MDGA2: variants seen among roughly 807,000 people sequenced by gnomAD.
MDGA2 encodes MAM domain-containing glycosylphosphatidylinositol anchor protein 2.
Under a neutral mutation model 117.8 loss-of-function variants are expected in MDGA2, and 40 were observed. The observed-to-expected ratio is 0.34, with a 90% CI of 0.26 to 0.44. The LOEUF (loss-of-function observed/expected upper bound fraction) is 0.44, where lower values mean the gene tolerates loss of function less well. Ranked by LOEUF, MDGA2 falls within the 20% of genes least tolerant of loss-of-function variation. MDGA2 has a pLI of 1.00. For synonymous variants in MDGA2, 452 were observed against 439.0 expected, an observed-to-expected ratio of 1.03 and a Z score of -0.37; for missense variants, 1,123 against 1,250.6, an observed-to-expected ratio of 0.90 and a Z score of 1.54.
intron 8 of MDGA2, among the ~76,000 whole-genome samples, chr14:46,986,732 A>T (rs1298754071): frequency 1.3e-5 from 2 of 152,132 alleles, no homozygotes; most frequent in Admixed American, 6.6e-5. Flanking sequence ...GTCCCAAAGC[A>T]TCAAGAGTAA....
At chr14:47,288,519 T>C (rs1888767402) in intron 2 of MDGA2, among the ~76,000 whole-genome samples, 1 of 152,164 alleles carries the variant, frequency 6.6e-6, no homozygotes, top group Non-Finnish European at 1.5e-5. Flanking sequence ...AAGGATCATG[T>C]TCTGCTCAAG....
At chr14:47,160,068 A>C (rs1306738607) in intron 3 of MDGA2, among the ~76,000 whole-genome samples, 1 of 151,878 alleles carries the variant, frequency 6.6e-6, no homozygotes, top group African/African-American at 2.4e-5. Flanking sequence ...GTCTAATTTT[A>C]TTTTCTTTTG....
chr14:47,018,191 GT>G (rs1262971986), intron 8 of MDGA2, among the ~76,000 whole-genome samples: 3 of 151,012 alleles, frequency 2.0e-5, no homozygotes, highest in Non-Finnish European at 4.4e-5. Context: ...GCCTTTATTA[GT>G]CCATTAGATT....
intron 1 of MDGA2, among the ~76,000 whole-genome samples, chr14:47,672,564 T>C (rs540151467): frequency 6.6e-6 from 1 of 152,226 alleles, no homozygotes; most frequent in South Asian, 2.1e-4. Context: ...TACCACTGTC[T>C]CCCCACGTCC....
chr14:47,169,215 T>C (rs1482149439), intron 3 of MDGA2, among the ~76,000 whole-genome samples: 2 of 151,984 alleles, frequency 1.3e-5, no homozygotes, highest in Non-Finnish European at 2.9e-5. Context: ...AGCTTACTTA[T>C]GAGTTCGATA....
chr14:47,627,772 T>C (rs945502830), intron 1 of MDGA2, among the ~76,000 whole-genome samples: 7 of 152,192 alleles, frequency 4.6e-5, no homozygotes, highest in Non-Finnish European at 1.0e-4. Flanking sequence ...TTTTGTTCTT[T>C]GCAATAAATC....
In MDGA2 at chr14:47,675,267, G is replaced by A. The variant is rs1898161790; in HGVS notation, c.-471C>T. ...CCATTCCATCAGTTGCCATTGCAAC[G>A]CCAATCCTGTTACACGATACAGACT... On this transcript the variant is annotated 5_prime_UTR_variant, in exon 1 of 17. Coordinates refer to ENST00000399232, the MANE Select transcript of MDGA2 (RefSeq NM_001113498.3). 6.6e-6 allele frequency among the ~76,000 whole-genome samples: 1 copy of A among 150,622 alleles called. No homozygotes were observed. The highest frequency in any genetic ancestry group is 1.5e-5 in the Non-Finnish European group (1 of 67,836).
At chr14:47,062,862 T>A (rs1260759174) in intron 6 of MDGA2, among the ~76,000 whole-genome samples, 1 of 152,126 alleles carries the variant, frequency 6.6e-6, no homozygotes, top group African/African-American at 2.4e-5. Flanking sequence ...TAAAACTCTT[T>A]AGCCTCAAAT....
At chr14:47,480,951 T>C (rs1220852137) in intron 1 of MDGA2, among the ~76,000 whole-genome samples, 1 of 151,960 alleles carries the variant, frequency 6.6e-6, no homozygotes, top group Non-Finnish European at 1.5e-5. Context: ...ATTATAATGG[T>C]AATCTTCATC....
chr14:47,583,089 T>C (rs751654862), intron 1 of MDGA2, among the ~76,000 whole-genome samples: 7 of 152,004 alleles, frequency 4.6e-5, no homozygotes, highest in Admixed American at 1.3e-4. Context: ...TGGGAACACA[T>C]AATGTATGGT....
intron 5 of MDGA2, among the ~76,000 whole-genome samples, chr14:47,127,961 T>C (rs1458791944): frequency 6.6e-6 from 1 of 152,134 alleles, no homozygotes; most frequent in Non-Finnish European, 1.5e-5. Flanking sequence ...GTTCATTTTC[T>C]CCATCTCTGT....
At position 47,573,457 on chromosome 14, in the gene MDGA2, A is replaced by G. The variant is rs575093509; in HGVS notation, c.280+101060T>C. On this transcript the variant is annotated intron_variant, in intron 1 of 16. Coordinates refer to ENST00000399232, the MANE Select transcript of MDGA2 (RefSeq NM_001113498.3). Reference sequence around the variant, plus strand: ...GGCCCTGAGGACTTGCCATATCACTAGACAGCACGTTTTTTCACAAACCCA... The same window carrying G: ...GGCCCTGAGGACTTGCCATATCACTGGACAGCACGTTTTTTCACAAACCCA... Among the ~76,000 whole-genome samples, 38 of 152,282 alleles carry G rather than the reference A, an allele frequency of 2.5e-4. No individual in the cohort carries two copies. The South Asian group carries it at 7.2e-3, about 29-fold the overall frequency.
intron 2 of MDGA2, among the ~76,000 whole-genome samples, chr14:47,295,036 G>C (rs1229128523): frequency 6.6e-6 from 1 of 152,156 alleles, no homozygotes; most frequent in Non-Finnish European, 1.5e-5. Flanking sequence ...GCTCACTAAG[G>C]TTAAGGTGTA....
chr14:47,484,380 G>A (rs942201110), intron 1 of MDGA2, among the ~76,000 whole-genome samples: 3 of 152,172 alleles, frequency 2.0e-5, no homozygotes, highest in Admixed American at 6.5e-5. Context: ...CAATAGAGCA[G>A]CCCTTGATGA....
Position 47,026,314 on chromosome 14 carries a change from C to T in MDGA2, c.1819+8697G>A, listed in dbSNP as rs115871653. Among the ~76,000 whole-genome samples, 838 of 152,170 alleles carry T rather than the reference C, an allele frequency of 5.5e-3. 4 individuals are homozygous for T. The highest frequency in any genetic ancestry group is 0.018 in the African/African-American group (766 of 41,522). ...CTTTGATTTCTCACTTTCAGATTGG[C>T]TTTATCATGCATTAATTAAAGTACT... On this transcript the variant is annotated intron_variant, in intron 8 of 16. Transcript: ENST00000399232.
chr14:46,999,000 A>T (rs2138472526), intron 8 of MDGA2, among the ~76,000 whole-genome samples: 1 of 152,278 alleles, frequency 6.6e-6, no homozygotes, highest in South Asian at 2.1e-4. Flanking sequence ...ATTACTTGTC[A>T]ATAAAATGAT....
At chr14:47,174,392 T>C (rs1884335828) in intron 3 of MDGA2, among the ~76,000 whole-genome samples, 1 of 152,092 alleles carries the variant, frequency 6.6e-6, no homozygotes, top group Admixed American at 6.6e-5. Context: ...GACCACATAG[T>C]TGGAAGTAAA....
At chr14:46,857,372 G>C (rs1221034755) in intron 14 of MDGA2, among the ~76,000 whole-genome samples, 1 of 151,578 alleles carries the variant, frequency 6.6e-6, no homozygotes. Flanking sequence ...TTTCTTGTGA[G>C]GTTTAGAATT....
intron 1 of MDGA2, among the ~76,000 whole-genome samples, chr14:47,453,875 C>T (rs1370022097): frequency 2.0e-5 from 3 of 152,136 alleles, no homozygotes; most frequent in Non-Finnish European, 4.4e-5. Flanking sequence ...TGACACCTAT[C>T]AGGTGCAGTG....
Sources: allele counts gnomAD v4.1 joint callset (sites outside exome capture counted in the v4.1 genomes callset), GRCh38; gene constraint gnomAD v4.1.1; transcripts MANE v1.5; gene names NCBI Gene and HGNC (gene_info 2026-07-23, HGNC 2026-07-21).